KCNIP1: variants seen among roughly 807,000 people sequenced by gnomAD.
KCNIP1 encodes the protein A-type potassium channel modulatory protein KCNIP1.
A neutral mutation model predicts 33.0 loss-of-function variants in KCNIP1; 18 were observed. The ratio of observed to expected loss-of-function variants is 0.55; its 90% CI spans 0.38 to 0.81. The LOEUF (loss-of-function observed/expected upper bound fraction) is 0.81. Among genes scored for constraint, KCNIP1 ranks in the 30% least tolerant of loss-of-function variants. KCNIP1 has a pLI of 0.00. For missense variants in KCNIP1, 238 were observed against 271.6 expected (o/e 0.88, Z 0.87); for synonymous variants, 93 against 98.3 (o/e 0.95, Z 0.32).
intron 1 of KCNIP1, among the ~76,000 whole-genome samples, chr5:170,709,903 T>C (rs1763387127): frequency 1.3e-5 from 2 of 152,186 alleles, no homozygotes; most frequent in Non-Finnish European, 2.9e-5. Context: ...AATCTCACTT[T>C]GTTGCCCAGC....
chr5:170,404,534 G>A (rs1410452839), intron 1 of KCNIP1, among the ~76,000 whole-genome samples: 1 of 152,152 alleles, frequency 6.6e-6, no homozygotes, highest in Non-Finnish European at 1.5e-5. Flanking sequence ...TGTGTCAGGT[G>A]GTTGCCTGGC....
intron 1 of KCNIP1, among the ~76,000 whole-genome samples, chr5:170,596,553 T>C (rs183353666): frequency 1.8e-4 from 27 of 152,318 alleles, no homozygotes; most frequent in Non-Finnish European, 3.5e-4. Context: ...CCACCCCACG[T>C]AGCATGGAGC....
At chr5:170,483,258 G>C in intron 1 of KCNIP1, 1 of 276,006 alleles carries the variant, frequency 3.6e-6, no homozygotes, top group Non-Finnish European at 7.1e-6. Flanking sequence ...CCAGGCTGGG[G>C]ACCTTTGGAC....
intron 5 of KCNIP1, among the ~76,000 whole-genome samples, chr5:170,726,371 A>G (rs936163221): frequency 6.6e-6 from 1 of 152,204 alleles, no homozygotes; most frequent in African/African-American, 2.4e-5. Context: ...CAGTAAACCC[A>G]TGAAAGGTTG....
chr5:170,561,154 C>G (rs749318605), intron 1 of KCNIP1: 2 of 455,068 alleles, frequency 4.4e-6, no homozygotes, highest in Admixed American at 4.7e-5. Flanking sequence ...TGTTTATGCT[C>G]CTTCGAGGGC....
chr5:170,480,327 T>A (rs1157367186), intron 1 of KCNIP1, among the ~76,000 whole-genome samples: 1 of 152,228 alleles, frequency 6.6e-6, no homozygotes, highest in African/African-American at 2.4e-5. Context: ...TACTGATTCT[T>A]ATTTGAAACT....
intron 1 of KCNIP1, chr5:170,376,195 C>T (rs1402084750): frequency 6.5e-5 from 7 of 107,882 alleles, no homozygotes; most frequent in Non-Finnish European, 6.9e-5. Context: ...GAGTCTTGCT[C>T]TGTTACCCAG....
At chr5:170,600,865 C>T (rs1442287450) in intron 1 of KCNIP1, among the ~76,000 whole-genome samples, 1 of 152,174 alleles carries the variant, frequency 6.6e-6, no homozygotes, top group African/African-American at 2.4e-5. Flanking sequence ...AATGAGATCG[C>T]ACATATAAAT....
At chr5:170,356,422 G>A (rs1406923039) in intron 1 of KCNIP1, among the ~76,000 whole-genome samples, 8 of 152,094 alleles carry the variant, frequency 5.3e-5, no homozygotes, top group Non-Finnish European at 1.0e-4. Context: ...TCCCTGTCCT[G>A]CCTGTTCCTA....
chr5:170,438,635 A>G (rs10068486), intron 1 of KCNIP1, among the ~76,000 whole-genome samples: 104,995 of 152,046 alleles, frequency 0.69, 36,639 homozygotes, highest in African/African-American at 0.74. Flanking sequence ...CCACACTCCC[A>G]TAGACTTCCC....
intron 1 of KCNIP1, among the ~76,000 whole-genome samples, chr5:170,630,485 G>A (rs772480608): frequency 3.9e-5 from 6 of 152,328 alleles, no homozygotes; most frequent in South Asian, 2.1e-4. Flanking sequence ...GTAGGGGGTC[G>A]AGTGTGTCGT....
At chr5:170,396,756 T>A (rs1754772322) in intron 1 of KCNIP1, among the ~76,000 whole-genome samples, 1 of 152,186 alleles carries the variant, frequency 6.6e-6, no homozygotes, top group African/African-American at 2.4e-5. Flanking sequence ...AGATGAAGCC[T>A]CCAGGTAGCA....
At chr5:170,458,818 G>T (rs1044958353) in intron 1 of KCNIP1, among the ~76,000 whole-genome samples, 1 of 151,828 alleles carries the variant, frequency 6.6e-6, no homozygotes, top group African/African-American at 2.4e-5. Context: ...CAAGGTATAC[G>T]GACAACAAAT....
At chr5:170,653,726 A>T (rs1042404360) in intron 1 of KCNIP1, among the ~76,000 whole-genome samples, 1 of 151,442 alleles carries the variant, frequency 6.6e-6, no homozygotes, top group Non-Finnish European at 1.5e-5. Flanking sequence ...TTACCTGTAG[A>T]CATGCTATCA....
intron 1 of KCNIP1, among the ~76,000 whole-genome samples, chr5:170,390,023 A>G (rs1026423820): frequency 6.6e-6 from 1 of 152,190 alleles, no homozygotes. Context: ...AGCTGGGAGT[A>G]GTGAGAGCTC....
intron 1 of KCNIP1, chr5:170,354,014 T>C: frequency 6.6e-7 from 1 of 1,522,488 alleles, no homozygotes. Context: ...ATGGCCTGGC[T>C]GGTCGCATTG....
At chr5:170,671,401 G>A (rs1240632616) in intron 1 of KCNIP1, among the ~76,000 whole-genome samples, 2 of 152,114 alleles carry the variant, frequency 1.3e-5, no homozygotes, top group Non-Finnish European at 1.5e-5. Context: ...TGCTTTAAAT[G>A]TTCTTGCCCC....
chr5:170,381,671 T>A (rs1039989519), intron 1 of KCNIP1, among the ~76,000 whole-genome samples: 1 of 152,242 alleles, frequency 6.6e-6, no homozygotes, highest in Admixed American at 6.5e-5. Context: ...GGCTCCAGCA[T>A]GTCCTTCCTT....
chr5:170,726,234 C>T (rs1179516212), intron 5 of KCNIP1, among the ~76,000 whole-genome samples: 1 of 151,916 alleles, frequency 6.6e-6, no homozygotes, highest in Non-Finnish European at 1.5e-5. Context: ...GGATACCAAA[C>T]CAATATAAAG....
Sources: gnomAD v4.1 joint callset for allele counts (sites outside exome capture counted in the v4.1 genomes callset) on GRCh38, gnomAD v4.1.1 for gene constraint, MANE v1.5 for transcripts, NCBI Gene and HGNC (gene_info 2026-07-23, HGNC 2026-07-21) for gene names.